Variants in PHACTR1 observed in about 807,000 individuals in gnomAD.
The protein encoded by PHACTR1 is phosphatase and actin regulator 1, also known as RPEL repeat containing 1.
PHACTR1 carries 16 observed loss-of-function variants against 69.2 expected under a neutral mutation model. That is an observed-to-expected ratio of 0.23 (90% CI 0.16 to 0.35). The LOEUF (loss-of-function observed/expected upper bound fraction) is 0.35. PHACTR1 is among the 10% of genes least tolerant of loss of function. The pLI is 1.00. For missense variants in PHACTR1, 510 were observed against 734.7 expected (o/e 0.69, Z 3.54); for synonymous variants, 312 against 284.5 (o/e 1.10, Z -0.97).
chr6:13,056,287 G>A (rs572630394), intron 5 of PHACTR1, among the ~76,000 whole-genome samples: 2 of 152,234 alleles, frequency 1.3e-5, no homozygotes, highest in East Asian at 3.9e-4. Flanking sequence ...GTAGTCCCAG[G>A]TACTCAGGAA....
chr6:13,028,966 G>A (rs1802070967), intron 4 of PHACTR1, among the ~76,000 whole-genome samples: 1 of 152,152 alleles, frequency 6.6e-6, no homozygotes, highest in African/African-American at 2.4e-5. Flanking sequence ...ACTGGCAGAG[G>A]GAAGGAAGGA....
chr6:13,133,266 G>T (rs1327220768), intron 5 of PHACTR1, among the ~76,000 whole-genome samples: 1 of 73,756 alleles, frequency 1.4e-5, no homozygotes, highest in Non-Finnish European at 2.5e-5. Context: ...TCTCCCCACA[G>T]TCTCCCTCTC....
intron 7 of PHACTR1, among the ~76,000 whole-genome samples, chr6:13,200,026 A>G (rs1764990422): frequency 6.6e-6 from 1 of 152,222 alleles, no homozygotes; most frequent in African/African-American, 2.4e-5. Context: ...TTGGGAGCAT[A>G]GAAATAGAAT....
chr6:13,098,712 G>T (rs1814669358), intron 5 of PHACTR1, among the ~76,000 whole-genome samples: 1 of 152,100 alleles, frequency 6.6e-6, no homozygotes, highest in Non-Finnish European at 1.5e-5. Context: ...ACACCTCATT[G>T]TCTACCACCT....
In PHACTR1 at chr6:13,196,427, T is replaced by TTTTGTTTTTTTTTG. The variant is rs987890135; in HGVS notation, c.665-9385_665-9384insGTTTTTTTTTGTTT. On this transcript the variant is annotated intron_variant, in intron 7 of 14. Transcript: ENST00000332995. ...CATCCACTGGTTTTCTTTCTTTTTT[T>TTTTGTTTTTTTTTG]TTTTGTTTTTTGAGACAGAGTCTCA... 7.2e-5 allele frequency: 12 copies of TTTTGTTTTTTTTTG among 165,576 alleles called. No homozygotes were observed. In the South Asian group the frequency reaches 7.5e-4, roughly 10 times the overall value. 10.3% of individuals were successfully genotyped at this position (165,576 alleles called of 1,614,324 possible).
At chr6:13,273,036 G>A (rs1362313795) in intron 11 of PHACTR1, 121 bp downstream of exon 11, 27 of 1,404,468 alleles carry the variant, frequency 1.9e-5, no homozygotes, top group Middle Eastern at 1.8e-4. Flanking sequence ...CCTTTCTAAC[G>A]GTTGAAGCTT....
chr6:12,875,933 C>T (rs1425256700), intron 4 of PHACTR1, among the ~76,000 whole-genome samples: 1 of 152,162 alleles, frequency 6.6e-6, no homozygotes, highest in Non-Finnish European at 1.5e-5. Context: ...AGGTCTGCTC[C>T]AGCATTCTTG....
At chr6:12,804,518 A>G (rs1581828420) in intron 4 of PHACTR1, among the ~76,000 whole-genome samples, 1 of 152,336 alleles carries the variant, frequency 6.6e-6, no homozygotes, top group Middle Eastern at 3.4e-3. Flanking sequence ...ATTTTCTTAT[A>G]GGGATTTTAT....
At chr6:13,016,651 G>C (rs1381916366) in intron 4 of PHACTR1, among the ~76,000 whole-genome samples, 3 of 148,896 alleles carry the variant, frequency 2.0e-5, no homozygotes. Context: ...TTTTTTCCTG[G>C]TATCTACTAA....
chr6:12,981,490 C>T (rs1795519577), intron 4 of PHACTR1, among the ~76,000 whole-genome samples: 2 of 152,198 alleles, frequency 1.3e-5, no homozygotes, highest in South Asian at 4.1e-4. Flanking sequence ...GAGAAAATCT[C>T]ACATTGGAAA....
intron 5 of PHACTR1, among the ~76,000 whole-genome samples, chr6:13,129,514 G>T (rs111858865): frequency 6.6e-6 from 1 of 151,994 alleles, no homozygotes; most frequent in African/African-American, 2.4e-5. Flanking sequence ...AGCTATTCTT[G>T]TATCAGACAA....
chr6:12,778,842 A>G (rs1002023926), intron 4 of PHACTR1, among the ~76,000 whole-genome samples: 2 of 152,360 alleles, frequency 1.3e-5, no homozygotes, highest in African/African-American at 4.8e-5. Context: ...AGTATATTAC[A>G]CGGTCACTAC....
chr6:13,168,753 C>G (rs1200657440), intron 6 of PHACTR1, among the ~76,000 whole-genome samples: 2 of 152,070 alleles, frequency 1.3e-5, no homozygotes, highest in Admixed American at 6.6e-5. Flanking sequence ...GGGAATGTTA[C>G]AAGCTGAAGG....
At chr6:12,937,881 A>C (rs1025824153) in intron 4 of PHACTR1, among the ~76,000 whole-genome samples, 1 of 152,232 alleles carries the variant, frequency 6.6e-6, no homozygotes, top group Non-Finnish European at 1.5e-5. Flanking sequence ...CATGCTGATC[A>C]CTTGAGGTCA....
intron 3 of PHACTR1, among the ~76,000 whole-genome samples, chr6:12,734,485 G>A (rs772365865): frequency 6.6e-5 from 10 of 152,188 alleles, no homozygotes; most frequent in Non-Finnish European, 1.3e-4. Flanking sequence ...TAAGAGGTAA[G>A]TGACCTGCAT....
intron 5 of PHACTR1, among the ~76,000 whole-genome samples, chr6:13,139,937 G>A (rs1426050224): frequency 6.6e-6 from 1 of 152,108 alleles, no homozygotes; most frequent in Non-Finnish European, 1.5e-5. Context: ...TAATCCAAAA[G>A]GGTCAAAGGA....
At chr6:13,142,640 C>G (rs1822670169) in intron 5 of PHACTR1, among the ~76,000 whole-genome samples, 1 of 152,024 alleles carries the variant, frequency 6.6e-6, no homozygotes, top group Non-Finnish European at 1.5e-5. Context: ...TGTCCTGATA[C>G]CATTTGTTTA....
Position 12,974,853 on chromosome 6 carries a change from G to A in PHACTR1, c.251-78512G>A, listed in dbSNP as rs560011752. On this transcript the variant is annotated intron_variant, in intron 4 of 14. Coordinates refer to ENST00000332995, the MANE Select transcript of PHACTR1 (RefSeq NM_030948.6). Reference sequence around the variant, plus strand: ...AAAGAGAAGAAAGTCAGTAAAAGGTGTTATTTTCAAGCCACTGACCACTGT... The same window carrying A: ...AAAGAGAAGAAAGTCAGTAAAAGGTATTATTTTCAAGCCACTGACCACTGT... Among the ~76,000 whole-genome samples, 152 of 152,266 alleles carry A rather than the reference G, an allele frequency of 1.0e-3. 1 individual carries two copies. Among genetic ancestry groups the A allele is most frequent in the Middle Eastern group, 3.4e-3 (1 of 294 alleles).
At chr6:13,043,410 A>G in intron 4 of PHACTR1, among the ~76,000 whole-genome samples, 1 of 151,954 alleles carries the variant, frequency 6.6e-6, no homozygotes, top group African/African-American at 2.4e-5. Flanking sequence ...CTGGGTGACA[A>G]AGTGAGATTA....
Sources: gnomAD v4.1 joint callset for allele counts (sites outside exome capture counted in the v4.1 genomes callset) on GRCh38, gnomAD v4.1.1 for gene constraint, MANE v1.5 for transcripts, NCBI Gene and HGNC (gene_info 2026-07-23, HGNC 2026-07-21) for gene names.